The following JAKMIP3 variants were observed in gnomAD, a reference collection of about 807,000 sequenced individuals.
JAKMIP3 encodes janus kinase and microtubule-interacting protein 3.
In JAKMIP3, 58 loss-of-function variants were observed where a neutral mutation model predicts 118.5. That is an observed-to-expected ratio of 0.49 (90% CI 0.40 to 0.61). The LOEUF is 0.61. Ranked by LOEUF, JAKMIP3 falls within the 20% of genes least tolerant of loss-of-function variation. JAKMIP3 has a pLI of 0.00. For synonymous variants in JAKMIP3, 486 were observed against 451.2 expected (o/e 1.08, Z -0.98); for missense variants, 950 against 1,109.0 (o/e 0.86, Z 2.04).
At chr10:132,113,930 C>T (rs929362331) in intron 2 of JAKMIP3, among the ~76,000 whole-genome samples, 4 of 152,228 alleles carry the variant, frequency 2.6e-5, no homozygotes, top group African/African-American at 7.2e-5. Context: ...TCCCGTCCTT[C>T]GCCTCTCCCG....
chr10:132,135,118 G>A lies in JAKMIP3; in HGVS notation c.927G>A (p.Leu309=). Reference sequence around the variant, plus strand: ...AGTTAAGTGCGATTATCCGCAAACTGGAGGACCGCAATGCATTGCTGTCGG... The same window carrying A: ...AGTTAAGTGCGATTATCCGCAAACTAGAGGACCGCAATGCATTGCTGTCGG... The part of the protein sequence containing the change: ...IAELSAIIRK[L]EDRNALLSEE... The change falls in exon 5 of 24, where the codon CTG becomes CTA. Residue 309 remains leucine, a synonymous_variant. Coordinates refer to ENST00000684848, the MANE Select transcript of JAKMIP3 (RefSeq NM_001323087.2). 3.7e-6 allele frequency: 6 copies of A among 1,613,274 alleles called. No individual in the cohort carries two copies. The highest frequency in any genetic ancestry group is 5.1e-6 in the Non-Finnish European group (6 of 1,179,452).
intron 1 of JAKMIP3, among the ~76,000 whole-genome samples, chr10:132,080,255 C>CA (rs1309976347): frequency 6.6e-6 from 1 of 152,164 alleles, no homozygotes; most frequent in African/African-American, 2.4e-5. Context: ...GACAGTGTAC[C>CA]AGGCTTCCAA....
rs4009682 is a variant in JAKMIP3 at position 132,139,049 on chromosome 10, AGTGT to A, written c.1344+888_1344+891del. 2.1e-4 allele frequency among the ~76,000 whole-genome samples: 31 copies of A among 150,192 alleles called. 1 individual carries two copies. The East Asian group carries it at 2.4e-3, about 11-fold the overall frequency. Reference sequence around the variant, plus strand: ...CTAACTCATCTCCTGCTTTATGTTGAGTGTGTGTGTGTGTGTGTGTATGTGTATG... The same window carrying A: ...CTAACTCATCTCCTGCTTTATGTTGAGTGTGTGTGTGTGTGTATGTGTATG... On this transcript the variant is annotated intron_variant, in intron 9 of 23. Coordinates refer to ENST00000684848, the MANE Select transcript of JAKMIP3 (RefSeq NM_001323087.2).
chr10:132,138,084 A>G (rs1402864338), intron 8 of JAKMIP3, 35 bp from the exon 9 acceptor site: 2 of 1,596,792 alleles, frequency 1.3e-6, no homozygotes, highest in Non-Finnish European at 1.7e-6. Context: ...GAGCTGCTCT[A>G]CCACTTACAC....
At chr10:132,177,315 A>T (rs1295390593) in intron 23 of JAKMIP3, among the ~76,000 whole-genome samples, 1 of 152,278 alleles carries the variant, frequency 6.6e-6, no homozygotes, top group African/African-American at 2.4e-5. Context: ...CCGCCACCAG[A>T]TACAAAATGA....
At chr10:132,180,590 TGTGTGTGCGTGC>T (rs1275587896) in intron 23 of JAKMIP3, among the ~76,000 whole-genome samples, 337 of 21,660 alleles carry the variant, frequency 0.016, 38 homozygotes, top group Non-Finnish European at 0.027. Flanking sequence ...CGTGCGCGTG[TGTGTGTGCGTGC>T]GCGTGTGTGT....
chr10:132,179,601 TC>T lies in JAKMIP3; in HGVS notation c.*1104-2754del. Reference sequence around the variant, plus strand: ...CCATGTTCCCCCCACCCCCCACACTTCCAGGCAACAGTGAAAGCAGATGTTC... The same window carrying T: ...CCATGTTCCCCCCACCCCCCACACTTCAGGCAACAGTGAAAGCAGATGTTC... On this transcript the variant is annotated intron_variant, in intron 23 of 23. Transcript: ENST00000684848. This position sits in a 1 kb window ranked among gnomAD's most constrained non-coding sequence, Gnocchi z 4.3. 6.6e-6 allele frequency among the ~76,000 whole-genome samples: 1 copy of T among 150,542 alleles called. No homozygotes were observed. The highest frequency in any genetic ancestry group is 1.5e-5 in the Non-Finnish European group (1 of 67,636).
In JAKMIP3 at chr10:132,180,718, T is replaced by TGCGCGC. The variant is rs1427593131; in HGVS notation, c.*1104-1636_*1104-1635insCGCGCG. Among the ~76,000 whole-genome samples, 13 of 18,778 alleles carry TGCGCGC rather than the reference T, an allele frequency of 6.9e-4. 4 individuals carry two copies. Among genetic ancestry groups the TGCGCGC allele is most frequent in the African/African-American group, 3.9e-3 (13 of 3,346 alleles). The allele number at this position is 18,778 out of a possible 152,430, so 12.3% of individuals were successfully genotyped here. On this transcript the variant is annotated intron_variant, in intron 23 of 23. Transcript: ENST00000684848. ...GTGCGTGTGTGTGTGCGCGTGTGTG[T>TGCGCGC]GCGTGTGTGTGCGTGTGTGCGTGCG...
chr10:132,126,201 C>G (rs1237502287), intron 3 of JAKMIP3, among the ~76,000 whole-genome samples: 1 of 152,150 alleles, frequency 6.6e-6, no homozygotes, highest in Non-Finnish European at 1.5e-5. Context: ...TAATTCCCAG[C>G]TGCAGGTGAA....
At chr10:132,103,401 CCTGGGGGAGAGGAGCAG>C (rs1395944587) in intron 1 of JAKMIP3, among the ~76,000 whole-genome samples, 10 of 126,190 alleles carry the variant, frequency 7.9e-5, no homozygotes, top group Non-Finnish European at 1.6e-4. Flanking sequence ...GGGAGGAGCA[CCTGGGGGAGAGGAGCAG>C]CTGGAGGGGA....
intron 4 of JAKMIP3, 87 bp from the exon 5 acceptor site, chr10:132,134,953 GT>G: frequency 6.5e-7 from 1 of 1,529,082 alleles, no homozygotes; most frequent in Non-Finnish European, 9.0e-7. Flanking sequence ...CCACGGCAGC[GT>G]TTTTGTTCCC....
chr10:132,096,653 G>A (rs1324055685), intron 1 of JAKMIP3, among the ~76,000 whole-genome samples: 2 of 151,446 alleles, frequency 1.3e-5, no homozygotes, highest in Admixed American at 6.6e-5. Flanking sequence ...TCTTTTTTAA[G>A]TTGTGGCCAG....
intron 1 of JAKMIP3, among the ~76,000 whole-genome samples, chr10:132,066,458 C>T (rs1044193776): frequency 6.6e-6 from 1 of 152,188 alleles, no homozygotes; most frequent in African/African-American, 2.4e-5. Context: ...ACGGACATAG[C>T]ACCAGAGAGC....
At chr10:132,133,549 C>G (rs1226980775) in intron 4 of JAKMIP3, 22 bp downstream of exon 4, 2 of 1,543,072 alleles carry the variant, frequency 1.3e-6, no homozygotes, top group South Asian at 2.4e-5. Context: ...CCAGGCCCAC[C>G]GGCCCACCCC....
intron 3 of JAKMIP3, among the ~76,000 whole-genome samples, chr10:132,123,343 G>C (rs940303112): frequency 6.6e-6 from 1 of 152,190 alleles, no homozygotes; most frequent in Admixed American, 6.5e-5. Flanking sequence ...TACAAGTTCA[G>C]ACGTTGTTAA....
At chr10:132,173,782 A>G (rs1257254421) in intron 23 of JAKMIP3, among the ~76,000 whole-genome samples, 106 of 23,426 alleles carry the variant, frequency 4.5e-3, no homozygotes, top group African/African-American at 5.4e-3. Flanking sequence ...TGTGTCTGTG[A>G]TGTGTTAGTG....
chr10:132,108,800 C>T (rs945078581), intron 2 of JAKMIP3, among the ~76,000 whole-genome samples: 25 of 150,836 alleles, frequency 1.7e-4, no homozygotes, highest in African/African-American at 4.9e-4. Context: ...CCCAGGAATT[C>T]GAGACCAGCC....
chr10:132,106,324 C>A (rs952763229), intron 2 of JAKMIP3, among the ~76,000 whole-genome samples: 1 of 151,350 alleles, frequency 6.6e-6, no homozygotes, highest in Non-Finnish European at 1.5e-5. Flanking sequence ...CATGACAGAG[C>A]GAGACCCTGT....
upstream of JAKMIP3, among the ~76,000 whole-genome samples, chr10:132,064,804 C>T: frequency 6.6e-6 from 1 of 152,142 alleles, no homozygotes; most frequent in South Asian, 2.1e-4. This position sits in a 1 kb window ranked among gnomAD's most constrained non-coding sequence, Gnocchi z 4.4. Flanking sequence ...ACCCGAAGTC[C>T]TGGCCTGCCC....
Sources: gnomAD v4.1 joint callset for allele counts (sites outside exome capture counted in the v4.1 genomes callset) on GRCh38, gnomAD v4.1.1 for gene constraint, Gnocchi (gnomAD v3.1) non-coding constraint, MANE v1.5 for transcripts, NCBI Gene and HGNC (gene_info 2026-07-23, HGNC 2026-07-21) for gene names.